NEGR1: variants seen among roughly 807,000 people sequenced by gnomAD.
NEGR1 encodes the protein IgLON family member 4.
Under a neutral mutation model 40.9 loss-of-function variants are expected in NEGR1, and 10 were observed. That is an observed-to-expected ratio of 0.24 (90% confidence interval 0.15 to 0.42). The LOEUF (loss-of-function observed/expected upper bound fraction) is 0.42. Among genes scored for constraint, NEGR1 ranks in the 10% least tolerant of loss-of-function variants. NEGR1 has a pLI of 1.00. For missense variants in NEGR1, 352 were observed against 438.9 expected, an observed-to-expected ratio of 0.80 and a Z score of 1.77; for synonymous variants, 185 against 166.8, an observed-to-expected ratio of 1.11 and a Z score of -0.84.
At chr1:71,739,584 C>A (rs1323068078) in intron 3 of NEGR1, among the ~76,000 whole-genome samples, 7 of 151,874 alleles carry the variant, frequency 4.6e-5, no homozygotes, top group Admixed American at 4.6e-4. Context: ...TATTTCCCTC[C>A]TATTCTATCT....
chr1:72,083,724 T>G (rs1423892802), intron 1 of NEGR1, among the ~76,000 whole-genome samples: 1 of 152,174 alleles, frequency 6.6e-6, no homozygotes, highest in African/African-American at 2.4e-5. Flanking sequence ...GTTTGATTTT[T>G]TTTAATGGAC....
intron 2 of NEGR1, among the ~76,000 whole-genome samples, chr1:71,823,633 G>C (rs1658512151): frequency 6.6e-6 from 1 of 151,926 alleles, no homozygotes; most frequent in African/African-American, 2.4e-5. Flanking sequence ...GTAATCTAAG[G>C]ACAGGTTACC....
chr1:71,944,558 T>G (rs1331381758), intron 1 of NEGR1, among the ~76,000 whole-genome samples: 2 of 151,214 alleles, frequency 1.3e-5, no homozygotes, highest in Non-Finnish European at 3.0e-5. Context: ...TAAATAGAGA[T>G]TATAAAATAA....
Position 71,560,429 on chromosome 1 carries a change from TTATA to T in NEGR1, c.940+32384_940+32387del, listed in dbSNP as rs58813234. On this transcript the variant is annotated intron_variant, in intron 6 of 6. Transcript: ENST00000357731. ...AACCCAGGCCCTGTGTAATTCTCCA[TTATA>T]TATATATATATATATGTATATATAT... Among the ~76,000 whole-genome samples, 185 of 114,196 alleles carry T rather than the reference TTATA, an allele frequency of 1.6e-3. 4 individuals are homozygous for T. The highest frequency in any genetic ancestry group is 4.1e-3 in the Admixed American group (41 of 10,026). 74.9% of individuals were successfully genotyped at this position (114,196 alleles called of 152,430 possible).
chr1:71,967,182 A>C (rs1406444046), intron 1 of NEGR1, among the ~76,000 whole-genome samples: 1 of 152,210 alleles, frequency 6.6e-6, no homozygotes, highest in Non-Finnish European at 1.5e-5. Flanking sequence ...TATTATACTA[A>C]GATGCACTTA....
chr1:71,559,919 T>A (rs1648389800), intron 6 of NEGR1, among the ~76,000 whole-genome samples: 1 of 151,532 alleles, frequency 6.6e-6, no homozygotes, highest in South Asian at 2.1e-4. Context: ...AGTTTGGACC[T>A]GCTTTTTCAA....
chr1:72,254,181 T>C (rs1000534421), intron 1 of NEGR1, among the ~76,000 whole-genome samples: 6 of 152,236 alleles, frequency 3.9e-5, no homozygotes, highest in Non-Finnish European at 1.5e-5. Context: ...GTCTTTGTAA[T>C]GTGCTTATTA....
In NEGR1 at chr1:71,933,571, G is replaced by T. The variant is rs560641505; in HGVS notation, c.409+1508C>A. Among the ~76,000 whole-genome samples, 29 of 151,928 alleles carry T rather than the reference G, an allele frequency of 1.9e-4. 1 individual carries two copies. Among genetic ancestry groups the T allele is most frequent in the Non-Finnish European group, 3.8e-4 (26 of 67,896 alleles). On this transcript the variant is annotated intron_variant, in intron 2 of 6. Transcript: ENST00000357731. ...GAACTGAACAAGAGAACAAGATTAAGCTTGAATAACATAAGAAATGTGTTT... is the reference window on the plus strand; with the variant it reads ...GAACTGAACAAGAGAACAAGATTAATCTTGAATAACATAAGAAATGTGTTT...
rs115636400 is a variant in NEGR1, at chr1:71,438,498, G to A, written c.941-30928C>T. Among the ~76,000 whole-genome samples the A allele has an allele frequency of 4.7e-3, 721 of 152,296 alleles. 5 individuals carry two copies. Among genetic ancestry groups the A allele is most frequent in the African/African-American group, 0.016 (650 of 41,570 alleles). ...TTCTCATCCCACTGAAAAGAGGAAT[G>A]AAGAACCACTTTCAGGGCAATAAAG... On this transcript the variant is annotated intron_variant, in intron 6 of 6. Coordinates refer to ENST00000357731, the MANE Select transcript of NEGR1 (RefSeq NM_173808.3).
chr1:71,928,069 C>T (rs1339200594), intron 2 of NEGR1, among the ~76,000 whole-genome samples: 3 of 97,244 alleles, frequency 3.1e-5, no homozygotes, highest in African/African-American at 3.9e-5. Context: ...TACACACACA[C>T]ATATGTACAT....
intron 1 of NEGR1, among the ~76,000 whole-genome samples, chr1:71,958,409 A>T (rs1409722435): frequency 6.6e-6 from 1 of 152,246 alleles, no homozygotes; most frequent in East Asian, 1.9e-4. Flanking sequence ...TTGTCTCTAC[A>T]TAAAGGAATC....
chr1:71,917,201 G>A (rs1490872707), intron 2 of NEGR1, among the ~76,000 whole-genome samples: 2 of 152,172 alleles, frequency 1.3e-5, no homozygotes, highest in African/African-American at 4.8e-5. Context: ...GATAAGGAGA[G>A]AGCTGGAAAA....
intron 6 of NEGR1, chr1:71,463,273 T>A (rs1646725464): frequency 6.6e-6 from 1 of 152,156 alleles, no homozygotes; most frequent in African/African-American, 2.4e-5. Context: ...GGAACATTTT[T>A]AAATAGGGTA....
intron 6 of NEGR1, among the ~76,000 whole-genome samples, chr1:71,510,811 C>T (rs1453975011): frequency 6.6e-6 from 1 of 152,192 alleles, no homozygotes; most frequent in African/African-American, 2.4e-5. Flanking sequence ...TTCCGCTATA[C>T]TTTGTGTCTC....
intron 2 of NEGR1, among the ~76,000 whole-genome samples, chr1:71,788,670 T>G (rs1318927603): frequency 6.6e-6 from 1 of 151,576 alleles, no homozygotes; most frequent in Non-Finnish European, 1.5e-5. Context: ...CTGTATTGAA[T>G]ACAAGCATGT....
At chr1:71,978,820 A>T (rs1646330037) in intron 1 of NEGR1, among the ~76,000 whole-genome samples, 1 of 152,202 alleles carries the variant, frequency 6.6e-6, no homozygotes, top group African/African-American at 2.4e-5. Context: ...CTAAAAACAG[A>T]ACTGCCATTC....
chr1:71,698,015 A>G lies in NEGR1; in HGVS notation c.660T>C (p.Val220=). The change falls in exon 4 of 7, where the codon GTT becomes GTC. Residue 220 remains valine (V), a synonymous_variant. Coordinates refer to ENST00000357731, the MANE Select transcript of NEGR1 (RefSeq NM_173808.3). ...AAAGGTGATGACACTTACAGTTGAC[A>G]ACAACTTTTACTTTCCTCACATCTG... is the stretch of plus-strand genomic sequence containing the variant. The part of the protein sequence containing the change: ...SFPDVRKVKV[V]VNFAPTIQEI... 6.2e-7 allele frequency: 1 copy of G among 1,611,098 alleles called. No homozygotes were observed. The highest frequency in any genetic ancestry group is 2.2e-5 in the East Asian group (1 of 44,826).
At chr1:71,894,499 AAAC>A (rs1477607504) in intron 2 of NEGR1, among the ~76,000 whole-genome samples, 5 of 152,190 alleles carry the variant, frequency 3.3e-5, no homozygotes, top group Admixed American at 3.3e-4. Context: ...CTTCCTCTTA[AAAC>A]AACACTGAGA....
intron 2 of NEGR1, among the ~76,000 whole-genome samples, chr1:71,927,738 G>C (rs528894356): frequency 6.8e-6 from 1 of 146,480 alleles, no homozygotes; most frequent in South Asian, 2.2e-4. Context: ...CCAGCACTTT[G>C]GGAGGCTGGC....
Sources: gnomAD v4.1 joint callset for allele counts (sites outside exome capture counted in the v4.1 genomes callset) on GRCh38, gnomAD v4.1.1 for gene constraint, MANE v1.5 for transcripts, NCBI Gene and HGNC (gene_info 2026-07-23, HGNC 2026-07-21) for gene names.